Variants in CYP2J2 observed in about 807,000 individuals in gnomAD.
CYP2J2 encodes the protein cytochrome P450 family 2 subfamily J member 2.
Under a neutral mutation model 48.8 loss-of-function variants are expected in CYP2J2, and 41 were observed. That is an observed-to-expected ratio of 0.84 (90% CI 0.66 to 1.09). The LOEUF is 1.09. Among genes scored for constraint, CYP2J2 ranks in the 50% least tolerant of loss-of-function variants. The probability of loss-of-function intolerance (pLI) is 0.00; values close to 1 mark genes in which losing one functional copy is unlikely to be tolerated. For synonymous variants in CYP2J2, 221 were observed against 227.1 expected, an observed-to-expected ratio of 0.97 and a Z score of 0.24; for missense variants, 644 against 617.3, an observed-to-expected ratio of 1.04 and a Z score of -0.46.
the CYP2J2 span, among the ~76,000 whole-genome samples, chr1:59,935,029 T>TATATATACAC: frequency 1.6e-4 from 16 of 100,904 alleles, no homozygotes; most frequent in African/African-American, 5.6e-4. Flanking sequence ...TATATATATA[T>TATATATACAC]ATATATATAT....
At chr1:59,904,257 C>T (rs575025192) in intron 7 of CYP2J2, 4 of 152,158 alleles carry the variant, frequency 2.6e-5, no homozygotes, top group African/African-American at 9.6e-5. Flanking sequence ...TGCTTGTAGT[C>T]CCAGCTACTT....
chr1:59,948,723 G>C, the CYP2J2 span, among the ~76,000 whole-genome samples: 1 of 152,150 alleles, frequency 6.6e-6, no homozygotes, highest in African/African-American at 2.4e-5. Flanking sequence ...ACCCTGTGTT[G>C]TTCTACCTTC....
the CYP2J2 span, among the ~76,000 whole-genome samples, chr1:59,964,633 A>G: frequency 6.6e-6 from 1 of 152,248 alleles, no homozygotes; most frequent in Middle Eastern, 3.2e-3. Flanking sequence ...TGTCCACTGC[A>G]GTCCTGAGTT....
chr1:59,925,938 G>A (rs914167608), intron 1 of CYP2J2, among the ~76,000 whole-genome samples: 2 of 152,138 alleles, frequency 1.3e-5, no homozygotes, highest in Admixed American at 6.5e-5. Context: ...CACCAGAGTC[G>A]GGGAGCCCTG....
the CYP2J2 span, among the ~76,000 whole-genome samples, chr1:59,949,946 T>A: frequency 1.3e-5 from 2 of 152,268 alleles, no homozygotes; most frequent in Middle Eastern, 6.8e-3. Context: ...TTGGATGCTC[T>A]TTTCTTTTTC....
At chr1:59,920,101 T>C (rs747322014) in intron 1 of CYP2J2, among the ~76,000 whole-genome samples, 39 of 151,790 alleles carry the variant, frequency 2.6e-4, no homozygotes, top group African/African-American at 7.0e-4. Flanking sequence ...ACCACAGATA[T>C]AAGAAAAATA....
In CYP2J2 at chr1:59,907,832, A is replaced by C; in HGVS notation, c.957T>G (p.Thr319=). The C allele has an allele frequency of 6.2e-7, 1 of 1,614,042 alleles. No homozygotes were observed. Among genetic ancestry groups the C allele is most frequent in the South Asian group, 1.1e-5 (1 of 91,060 alleles). The change falls in exon 6 of 9, where the codon ACT becomes ACG. Residue 319 remains threonine (T), a synonymous_variant. Transcript: ENST00000371204. ...FFAGTETTST[T]LRWALLYMAL... The stretch of plus-strand genomic sequence containing the variant: ...CCATATAAAGCAGAGCCCATCGCAG[A>C]GTTGTGGAAGTTGTCTCGGTTCCGG...
At chr1:59,964,395 T>A in the CYP2J2 span, among the ~76,000 whole-genome samples, 2 of 152,298 alleles carry the variant, frequency 1.3e-5, no homozygotes, top group South Asian at 4.1e-4. Context: ...ACTCCAGGAA[T>A]GGATTCAGTC....
chr1:59,930,871 A>G (rs911253103), upstream of CYP2J2, among the ~76,000 whole-genome samples: 1 of 152,192 alleles, frequency 6.6e-6, no homozygotes, highest in Non-Finnish European at 1.5e-5. Context: ...GTAATTAGAC[A>G]CTACGTGGAA....
intron 4 of CYP2J2, 38 bp downstream of exon 4, chr1:59,911,570 A>G (rs1429342877): frequency 3.4e-6 from 5 of 1,451,834 alleles, no homozygotes; most frequent in Middle Eastern, 1.8e-4. Flanking sequence ...ATCGGCCCCA[A>G]TTTACTGAAC....
intron 1 of CYP2J2, among the ~76,000 whole-genome samples, chr1:59,918,353 C>A (rs1644484455): frequency 6.6e-6 from 1 of 152,150 alleles, no homozygotes; most frequent in East Asian, 1.9e-4. Context: ...AGAATCTTAG[C>A]TTGTACTTGG....
chr1:59,903,508 A>C (rs1444640025), intron 7 of CYP2J2, among the ~76,000 whole-genome samples: 2 of 152,208 alleles, frequency 1.3e-5, no homozygotes, highest in Non-Finnish European at 2.9e-5. Context: ...GGAACAATAG[A>C]CACTGGGGAT....
chr1:59,936,719 C>T, the CYP2J2 span, among the ~76,000 whole-genome samples: 1 of 152,088 alleles, frequency 6.6e-6, no homozygotes, highest in African/African-American at 2.4e-5. Flanking sequence ...TGAAATTCTG[C>T]ACAAACATCA....
Position 59,900,975 on chromosome 1 carries a change from A to C in CYP2J2, c.1320T>G (p.Pro440=). ...TTTACTACAACTTACCTATTGAGAA[A>C]GGCATAAAGGCTTCCCTTTTCTTAA... The part of the protein sequence containing the change: ...GQFKKREAFM[P]FSIGKRACLG... Residue 440 remains proline (P), a synonymous_variant, in exon 8 of 9, where the codon CCT becomes CCG. Coordinates refer to ENST00000371204, the MANE Select transcript of CYP2J2 (RefSeq NM_000775.4). 1.9e-6 allele frequency: 3 copies of C among 1,613,876 alleles called. No homozygotes were observed. The highest frequency in any genetic ancestry group is 1.7e-6 in the Non-Finnish European group (2 of 1,179,780).
the CYP2J2 span, among the ~76,000 whole-genome samples, chr1:59,933,662 G>T: frequency 6.6e-6 from 1 of 151,964 alleles, no homozygotes; most frequent in African/African-American, 2.4e-5. Flanking sequence ...GCATTAAAAA[G>T]AATAGACTTA....
upstream of CYP2J2, among the ~76,000 whole-genome samples, chr1:59,928,435 C>T (rs1347517986): frequency 1.3e-5 from 2 of 152,190 alleles, no homozygotes; most frequent in Non-Finnish European, 2.9e-5. Context: ...CCATAACTCA[C>T]TCTTTCTCCT....
the CYP2J2 span, among the ~76,000 whole-genome samples, chr1:59,940,345 G>C: frequency 1.3e-5 from 2 of 152,278 alleles, no homozygotes; most frequent in South Asian, 4.1e-4. Context: ...TCTGATGCAG[G>C]CTGTGTCTAG....
the CYP2J2 span, among the ~76,000 whole-genome samples, chr1:59,946,168 T>G: frequency 6.6e-6 from 1 of 152,230 alleles, no homozygotes; most frequent in Admixed American, 6.5e-5. Flanking sequence ...CTATATGGCC[T>G]GGCTTTTGTG....
At chr1:59,927,026 A>G (rs1411799952), upstream of CYP2J2, among the ~76,000 whole-genome samples, 1 of 152,212 alleles carries the variant, frequency 6.6e-6, no homozygotes, top group Non-Finnish European at 1.5e-5. Context: ...CGTCTCTCCT[A>G]TGATTGGAAC....
Sources: gnomAD v4.1 joint callset for allele counts (sites outside exome capture counted in the v4.1 genomes callset) on GRCh38, gnomAD v4.1.1 for gene constraint, MANE v1.5 for transcripts, NCBI Gene and HGNC (gene_info 2026-07-23, HGNC 2026-07-21) for gene names.